Variants in EYS observed in about 807,000 individuals in gnomAD.
The protein encoded by EYS is EGF-like photoreceptor maintenance factor.
A neutral mutation model predicts 282.1 loss-of-function variants in EYS; 250 were observed. The observed-to-expected ratio is 0.89, with a 90% confidence interval of 0.80 to 0.98. The LOEUF (loss-of-function observed/expected upper bound fraction) is 0.98, where lower values mean the gene tolerates loss of function less well. Among genes scored for constraint, EYS ranks in the 50% least tolerant of loss-of-function variants. The pLI, the probability that EYS is intolerant of heterozygous loss-of-function variation, is 0.00. For missense variants in EYS, 4,016 were observed against 3,709.0 expected (o/e 1.08, Z -2.15); for synonymous variants, 1,355 against 1,282.9 (o/e 1.06, Z -1.20).
At chr6:64,927,336 T>C (rs910673816) in intron 15 of EYS, among the ~76,000 whole-genome samples, 1 of 152,066 alleles carries the variant, frequency 6.6e-6, no homozygotes, top group Admixed American at 6.6e-5. Flanking sequence ...CAAAACAACA[T>C]TGATCTGAGA....
At chr6:65,213,689 A>C (rs1284036523) in intron 12 of EYS, among the ~76,000 whole-genome samples, 1 of 152,144 alleles carries the variant, frequency 6.6e-6, no homozygotes, top group Non-Finnish European at 1.5e-5. Flanking sequence ...TGTTCCACCA[A>C]CCACCCATTC....
At chr6:64,112,113 A>T (rs2150266992) in intron 31 of EYS, among the ~76,000 whole-genome samples, 1 of 152,218 alleles carries the variant, frequency 6.6e-6, no homozygotes, top group Non-Finnish European at 1.5e-5. Flanking sequence ...TGATAAACAG[A>T]TAATATCTTA....
chr6:64,740,226 TAATACATTTCCTAAATCTTGA>T (rs1295722332), intron 22 of EYS, among the ~76,000 whole-genome samples: 1 of 152,188 alleles, frequency 6.6e-6, no homozygotes, highest in African/African-American at 2.4e-5. Context: ...TGAGCAGTTC[TAATACATTTCCTAAATCTTGA>T]AATACTTTAT....
At chr6:64,992,453 T>G (rs1198591337) in intron 14 of EYS, among the ~76,000 whole-genome samples, 1 of 151,864 alleles carries the variant, frequency 6.6e-6, no homozygotes, top group Non-Finnish European at 1.5e-5. Context: ...TCTTAGAAGT[T>G]TAACATTTTA....
chr6:63,929,622 T>C (rs935887199), intron 35 of EYS, among the ~76,000 whole-genome samples: 2 of 152,228 alleles, frequency 1.3e-5, no homozygotes, highest in Non-Finnish European at 2.9e-5. Flanking sequence ...AAAGGAAGGC[T>C]CTGTCAACTG....
intron 1 of EYS, among the ~76,000 whole-genome samples, chr6:65,687,687 C>T (rs978505214): frequency 6.6e-6 from 1 of 152,058 alleles, no homozygotes; most frequent in East Asian, 1.9e-4. Context: ...AAAACCCCAT[C>T]GTCTCAGCCC....
chr6:65,345,639 T>C (rs1172806120), intron 9 of EYS, among the ~76,000 whole-genome samples: 1 of 151,826 alleles, frequency 6.6e-6, no homozygotes, highest in Non-Finnish European at 1.5e-5. Context: ...TCCATTTCAT[T>C]TAAATTGTCC....
At chr6:65,090,295 C>T (rs1218438084) in intron 12 of EYS, among the ~76,000 whole-genome samples, 2 of 152,046 alleles carry the variant, frequency 1.3e-5, no homozygotes, top group Non-Finnish European at 2.9e-5. Flanking sequence ...ATGGCATTTC[C>T]CCTTCTTACA....
intron 24 of EYS, among the ~76,000 whole-genome samples, chr6:64,605,012 C>T (rs999291667): frequency 6.6e-6 from 1 of 151,926 alleles, no homozygotes; most frequent in Non-Finnish European, 1.5e-5. Context: ...CAGGTGATTC[C>T]TCAGTTCAAA....
At chr6:64,083,024 T>C (rs1655696522) in intron 31 of EYS, among the ~76,000 whole-genome samples, 1 of 151,918 alleles carries the variant, frequency 6.6e-6, no homozygotes, top group Admixed American at 6.6e-5. Flanking sequence ...TCCATCTGCC[T>C]CAGCCTCTGA....
chr6:64,079,154 G>A (rs1467071192), intron 32 of EYS, among the ~76,000 whole-genome samples: 1 of 151,790 alleles, frequency 6.6e-6, no homozygotes, highest in African/African-American at 2.4e-5. Context: ...AAATTTCATG[G>A]TCATCTACCA....
intron 37 of EYS, 37 bp downstream of exon 37, chr6:63,806,153 G>A (rs1039214683): frequency 8.7e-6 from 13 of 1,502,488 alleles, no homozygotes; most frequent in Non-Finnish European, 9.9e-6. Context: ...ATTCTTAAAG[G>A]AGCGAGGCAA....
intron 31 of EYS, among the ~76,000 whole-genome samples, chr6:64,133,241 G>A (rs1774043738): frequency 6.6e-6 from 1 of 151,848 alleles, no homozygotes; most frequent in Non-Finnish European, 1.5e-5. Context: ...ATGCAATCAA[G>A]CTCATACATG....
At chr6:64,636,151 A>G (rs1390827499) in intron 22 of EYS, among the ~76,000 whole-genome samples, 3 of 152,204 alleles carry the variant, frequency 2.0e-5, no homozygotes, top group Non-Finnish European at 4.4e-5. Context: ...AAGCCAAAAG[A>G]ACAAAGCCAG....
chr6:65,584,141 T>C (rs975105057), intron 2 of EYS, among the ~76,000 whole-genome samples: 1 of 152,174 alleles, frequency 6.6e-6, no homozygotes. Context: ...GTTAGCTACA[T>C]TAATTTAATA....
Position 65,016,202 on chromosome 6 carries a change from A to G in EYS, c.2138-18499T>C, listed in dbSNP as rs1011826799. 2.1e-5 allele frequency among the ~76,000 whole-genome samples: 3 copies of G among 144,060 alleles called. No individual in the cohort carries two copies. In the South Asian group the frequency reaches 6.5e-4, roughly 31 times the overall value. 94.5% of individuals were successfully genotyped at this position (144,060 alleles called of 152,430 possible). ...AACATGGTGAAACCTCGTTTCTACT[A>G]AAAAAAAAAAGTATATATATATTTT... On this transcript the variant is annotated intron_variant, in intron 13 of 42. Coordinates refer to ENST00000503581, the MANE Select transcript of EYS (RefSeq NM_001142800.2).
intron 28 of EYS, among the ~76,000 whole-genome samples, chr6:64,421,860 G>GGTGTGTGT (rs58632994): frequency 7.2e-6 from 1 of 138,268 alleles, no homozygotes; most frequent in Admixed American, 7.0e-5. Flanking sequence ...TTGTTTGGGG[G>GGTGTGTGT]GTGTGTGTGT....
At chr6:65,439,646 T>C (rs2150390970) in intron 5 of EYS, among the ~76,000 whole-genome samples, 1 of 152,296 alleles carries the variant, frequency 6.6e-6, no homozygotes, top group African/African-American at 2.4e-5. Flanking sequence ...TTTGGCTCTC[T>C]GTTTTTCTGT....
chr6:64,111,477 A>G (rs1457106628), intron 31 of EYS, among the ~76,000 whole-genome samples: 1 of 152,068 alleles, frequency 6.6e-6, no homozygotes, highest in Non-Finnish European at 1.5e-5. Context: ...GAAAGTTTTG[A>G]AAGTTGCCAT....
Sources: allele counts gnomAD v4.1 joint callset (sites outside exome capture counted in the v4.1 genomes callset), GRCh38; gene constraint gnomAD v4.1.1; transcripts MANE v1.5; gene names NCBI Gene and HGNC (gene_info 2026-07-23, HGNC 2026-07-21).